ABCC11: variants seen among roughly 807,000 people sequenced by gnomAD.
ABCC11 encodes the protein ATP binding cassette subfamily C member 11.
Under a neutral mutation model 149.3 loss-of-function variants are expected in ABCC11, and 135 were observed. That is an observed-to-expected ratio of 0.90 (90% CI 0.79 to 1.04). The LOEUF is 1.04. Ranked by LOEUF, ABCC11 falls within the 50% of genes least tolerant of loss-of-function variation. The pLI is 0.00. For missense variants in ABCC11, 1,680 were observed against 1,722.1 expected (o/e 0.98, Z 0.43); for synonymous variants, 665 against 671.4 (o/e 0.99, Z 0.15).
At chr16:48,196,403 G>T (rs1372809223) in intron 17 of ABCC11, 82 bp from the exon 18 acceptor site, 1 of 1,363,614 alleles carries the variant, frequency 7.3e-7, no homozygotes, top group Non-Finnish European at 1.0e-6. Flanking sequence ...CTTCGATCCT[G>T]TGCCAGCTTT....
At chr16:48,204,690 A>G (rs1237218246) in intron 13 of ABCC11, among the ~76,000 whole-genome samples, 2 of 152,214 alleles carry the variant, frequency 1.3e-5, no homozygotes, top group Non-Finnish European at 2.9e-5. Context: ...CTACACCTCC[A>G]TATCTATGTT....
chr16:48,174,411 G>T (rs986613637), intron 26 of ABCC11, among the ~76,000 whole-genome samples: 1 of 152,176 alleles, frequency 6.6e-6, no homozygotes, highest in Non-Finnish European at 1.5e-5. Flanking sequence ...CACAAAACAT[G>T]GGGGGACCTA....
At chr16:48,175,122 A>G (rs575014663) in intron 26 of ABCC11, 136 bp downstream of exon 26, 42 of 1,106,590 alleles carry the variant, frequency 3.8e-5, no homozygotes, top group Non-Finnish European at 5.2e-5. Flanking sequence ...TAAGCCAGGT[A>G]GGCATGAGTG....
In ABCC11 at chr16:48,196,062, T is replaced by G. The variant is rs142108178; in HGVS notation, c.2404+170A>C. ...ATATAACTTCCAACCTTGGCTTTGG[T>G]GGTAGAGTTGCTATAACTGAGTAGA... is the stretch of plus-strand genomic sequence containing the variant. On this transcript the variant is annotated intron_variant, in intron 18 of 29. Coordinates refer to ENST00000356608, the MANE Select transcript of ABCC11 (RefSeq NM_001370497.1). 2.6e-4 allele frequency among the ~76,000 whole-genome samples: 40 copies of G among 152,172 alleles called. No individual in the cohort carries two copies. In the East Asian group the frequency reaches 7.5e-3, roughly 29 times the overall value.
chr16:48,205,609 A>AGTGCCC, intron 12 of ABCC11, 72 bp from the exon 13 acceptor site: 1 of 1,572,916 alleles, frequency 6.4e-7, no homozygotes, highest in Non-Finnish European at 8.6e-7. Flanking sequence ...CAGCAGGCAC[A>AGTGCCC]GTGCCCAGGG....
At chr16:48,174,929 T>C (rs1047201729) in intron 26 of ABCC11, among the ~76,000 whole-genome samples, 13 of 152,238 alleles carry the variant, frequency 8.5e-5, no homozygotes, top group Admixed American at 5.9e-4. Context: ...CCTGAGCTCC[T>C]GGGCTCAAGT....
Position 48,196,331 on chromosome 16 carries a change from G to C in ABCC11, c.2315-10C>G, listed in dbSNP as rs200305102. 1 of 1,613,084 alleles carries C rather than the reference G, an allele frequency of 6.2e-7. No individual in the cohort carries two copies. The highest frequency in any genetic ancestry group is 1.3e-5 in the African/African-American group (1 of 75,002). Reference sequence around the variant, plus strand: ...AGCTGATGCTCCGGCACTGGGTCAGGGTAGAAGAAGAGAAAAGTGGTATGC... The same window carrying C: ...AGCTGATGCTCCGGCACTGGGTCAGCGTAGAAGAAGAGAAAAGTGGTATGC... On this transcript the variant is annotated splice_polypyrimidine_tract_variant and intron_variant, in intron 17 of 29. Transcript: ENST00000356608.
intron 12 of ABCC11, among the ~76,000 whole-genome samples, chr16:48,207,801 G>A (rs774323387): frequency 6.6e-6 from 1 of 152,148 alleles, no homozygotes. Flanking sequence ...CTCGTCCACA[G>A]GGGATGGAAT....
chr16:48,213,919 A>T (rs989647050), intron 9 of ABCC11, among the ~76,000 whole-genome samples: 2 of 152,228 alleles, frequency 1.3e-5, no homozygotes, highest in Non-Finnish European at 2.9e-5. Context: ...CTTTCAATGT[A>T]GCTTGGTGCT....
chr16:48,244,244 GCT>G lies in ABCC11; in HGVS notation c.-19+3068_-19+3069del, dbSNP rs1971195403. 5 of 594,136 alleles carry G rather than the reference GCT, an allele frequency of 8.4e-6. 1 individual carries two copies. The South Asian group carries it at 1.1e-4, about 13-fold the overall frequency. The allele number at this position is 594,136 out of a possible 1,614,324, so 36.8% of individuals were successfully genotyped here. On this transcript the variant is annotated intron_variant, in intron 1 of 29. Transcript: ENST00000356608. ...TCCTAGAGAGCAGCGCGAAGCCATG[GCT>G]TTTGGGCCCGGGGACGGACCGTAGC...
intron 1 of ABCC11, chr16:48,244,322 G>T: frequency 1.6e-6 from 2 of 1,225,152 alleles, no homozygotes; most frequent in Non-Finnish European, 1.1e-6. Flanking sequence ...TGGTGACTGC[G>T]GGGCAGGCCG....
At chr16:48,184,042 G>A (rs1966606528) in intron 23 of ABCC11, among the ~76,000 whole-genome samples, 1 of 152,204 alleles carries the variant, frequency 6.6e-6, no homozygotes, top group African/African-American at 2.4e-5. Context: ...GAACGGTTAG[G>A]TACAAAGACA....
chr16:48,244,260 ACGGACCGTAGCGCGTAGC>A, intron 1 of ABCC11: 1 of 653,118 alleles, frequency 1.5e-6, no homozygotes. Flanking sequence ...GGGCCCGGGG[ACGGACCGTAGCGCGTAGC>A]CGGAAGCGGA....
rs962468263 is a variant in ABCC11 at position 48,166,319 on chromosome 16, G to A, written c.*955C>T. 7.2e-5 allele frequency among the ~76,000 whole-genome samples: 11 copies of A among 152,206 alleles called. No homozygotes were observed. Among genetic ancestry groups the A allele is most frequent in the African/African-American group, 2.4e-4 (10 of 41,458 alleles). On this transcript the variant is annotated 3_prime_UTR_variant, in exon 30 of 30. Transcript: ENST00000356608. Reference sequence around the variant, plus strand: ...AGAAGACCTGGGGGGTGCAGAGTGTGTAGGACGTGAACCTGGAGCTGCAGG... The same window carrying A: ...AGAAGACCTGGGGGGTGCAGAGTGTATAGGACGTGAACCTGGAGCTGCAGG...
chr16:48,223,985 G>A lies in ABCC11; in HGVS notation c.543+297C>T, dbSNP rs139239799. On this transcript the variant is annotated intron_variant, in intron 5 of 29. Transcript: ENST00000356608. The stretch of plus-strand genomic sequence containing the variant: ...TAAGGTCTACACCTGAGGGTCCCAT[G>A]GGATTCCATGGGGAAACCAAGTCGC... Among the ~76,000 whole-genome samples, 847 of 152,272 alleles carry A rather than the reference G, an allele frequency of 5.6e-3. 8 individuals are homozygous for A. The highest frequency in any genetic ancestry group is 0.02 in the African/African-American group (822 of 41,560).
rs200025381 is a variant in ABCC11 at position 48,176,874 on chromosome 16, C to G, written c.3538+50G>C. The G allele has an allele frequency of 1.3e-5, 20 of 1,584,710 alleles. No homozygotes were observed. The South Asian group carries it at 2.0e-4, about 16-fold the overall frequency. ...CATGCCCCTAAATAGGTCTAGTGCC[C>G]AAAGGGCAAAGGAGGAGCTGGGGAC... On this transcript the variant is annotated intron_variant, in intron 25 of 29. Transcript: ENST00000356608.
chr16:48,192,698 C>T lies in ABCC11; in HGVS notation c.2528G>A (p.Ser843Asn). The change falls in exon 20 of 30, where the codon AGC (serine) becomes AAC (asparagine). Residue 843 changes from serine to asparagine, a missense_variant. Coordinates refer to ENST00000356608, the MANE Select transcript of ABCC11 (RefSeq NM_001370497.1). Reference sequence around the variant, plus strand: ...GCCCAGGTCTGCCATGGTTCCATTGCTCTCTCGGCTGCTATTGGTCTTCAA... The same window carrying T: ...GCCCAGGTCTGCCATGGTTCCATTGTTCTCTCGGCTGCTATTGGTCTTCAA... ...QGSGTNSSRE[S>N]NGTMADLGNI... 1.9e-6 allele frequency: 3 copies of T among 1,614,212 alleles called. No individual in the cohort carries two copies. Among genetic ancestry groups the T allele is most frequent in the Non-Finnish European group, 2.5e-6 (3 of 1,180,040 alleles).
At chr16:48,199,592 C>T (rs1301115939) in intron 15 of ABCC11, among the ~76,000 whole-genome samples, 3 of 151,702 alleles carry the variant, frequency 2.0e-5, no homozygotes, top group Non-Finnish European at 4.4e-5. Flanking sequence ...ACTGAGATGG[C>T]TCTCAATCTA....
At chr16:48,201,767 A>G (rs1358237162) in intron 14 of ABCC11, among the ~76,000 whole-genome samples, 4 of 152,156 alleles carry the variant, frequency 2.6e-5, no homozygotes, top group African/African-American at 9.7e-5. Context: ...ACCATCTCAC[A>G]CGGCACCTGC....
Sources: gnomAD v4.1 joint callset for allele counts (sites outside exome capture counted in the v4.1 genomes callset) on GRCh38, gnomAD v4.1.1 for gene constraint, MANE v1.5 for transcripts, NCBI Gene and HGNC (gene_info 2026-07-23, HGNC 2026-07-21) for gene names.